Variants in ABTB2 observed in about 807,000 individuals in gnomAD.
ABTB2 encodes ankyrin repeat and BTB domain containing 2, also known as ankyrin repeat and BTB/POZ domain-containing protein 2.
In ABTB2, 56 loss-of-function variants were observed where a neutral mutation model predicts 104.1. The ratio of observed to expected loss-of-function variants is 0.54; its 90% CI spans 0.43 to 0.67. ABTB2 has a LOEUF of 0.67. ABTB2 is among the 30% of genes least tolerant of loss of function. The pLI, the probability that ABTB2 is intolerant of heterozygous loss-of-function variation, is 0.00. For synonymous variants in ABTB2, 606 were observed against 608.2 expected, an observed-to-expected ratio of 1.00 and a Z score of 0.05; for missense variants, 1,279 against 1,407.7, an observed-to-expected ratio of 0.91 and a Z score of 1.46.
intron 1 of ABTB2, among the ~76,000 whole-genome samples, chr11:34,306,360 C>A (rs188494246): frequency 1.4e-5 from 2 of 147,138 alleles, no homozygotes; most frequent in Non-Finnish European, 3.0e-5. Context: ...GATTCTCCTG[C>A]CTCAGCCTCC....
intron 1 of ABTB2, among the ~76,000 whole-genome samples, chr11:34,206,907 C>G (rs958092074): frequency 6.6e-6 from 1 of 152,220 alleles, no homozygotes; most frequent in Non-Finnish European, 1.5e-5. Flanking sequence ...CCCCTCTCAT[C>G]ACATCCAGTG....
At chr11:34,188,660 A>G (rs1590211323) in intron 3 of ABTB2, among the ~76,000 whole-genome samples, 1 of 152,218 alleles carries the variant, frequency 6.6e-6, no homozygotes, top group Non-Finnish European at 1.5e-5. Context: ...AGAGCTTAAC[A>G]TTGCAAATCT....
rs149930288 is a variant in ABTB2 at position 34,347,207 on chromosome 11, G to A, written c.883+9494C>T. ...TCCCAGCACTTTGGGAGGCCACGGC[G>A]GGCAGATCGCTTGAGGTCAGGAGTT... On this transcript the variant is annotated intron_variant, in intron 1 of 16. Transcript: ENST00000435224. Among the ~76,000 whole-genome samples the A allele has an allele frequency of 5.1e-3, 769 of 152,270 alleles. 5 individuals carry two copies. Among genetic ancestry groups the A allele is most frequent in the African/African-American group, 0.017 (723 of 41,558 alleles).
At chr11:34,277,898 G>A (rs1483309261) in intron 1 of ABTB2, among the ~76,000 whole-genome samples, 2 of 143,452 alleles carry the variant, frequency 1.4e-5, no homozygotes, top group South Asian at 2.3e-4. Context: ...TCCACTTCCC[G>A]GGTTCAAGCG....
chr11:34,160,965 A>T lies in ABTB2; in HGVS notation c.2335T>A (p.Tyr779Asn). ...RDFSSIREEE[Y>N]NEELVTEGLQ... Reference sequence around the variant, plus strand: ...CCCTCGGTCACCAGCTCCTCGTTGTACTCCTCCTCTCTGATGGAGCTGAAG... The same window carrying T: ...CCCTCGGTCACCAGCTCCTCGTTGTTCTCCTCCTCTCTGATGGAGCTGAAG... Residue 779 changes from tyrosine (Y) to asparagine (N), a missense_variant, in exon 11 of 17, where the codon TAC (tyrosine) becomes AAC (asparagine). Tyr to Asn is a moderately radical substitution (Grantham distance 143). Transcript: ENST00000435224. The T allele has an allele frequency of 6.2e-7, 1 of 1,612,476 alleles. No individual in the cohort carries two copies. Among genetic ancestry groups the T allele is most frequent in the Non-Finnish European group, 8.5e-7 (1 of 1,179,418 alleles).
At chr11:34,321,773 A>G (rs553451693) in intron 1 of ABTB2, among the ~76,000 whole-genome samples, 1 of 152,338 alleles carries the variant, frequency 6.6e-6, no homozygotes, top group African/African-American at 2.4e-5. Context: ...TTCAAGTCTC[A>G]AGACCCCAAA....
intron 1 of ABTB2, among the ~76,000 whole-genome samples, chr11:34,334,196 T>C (rs555136398): frequency 1.3e-5 from 2 of 152,250 alleles, no homozygotes; most frequent in South Asian, 4.1e-4. Context: ...AATGAAAGCC[T>C]TTACATCTGG....
At chr11:34,174,374 A>C (rs905797690) in intron 3 of ABTB2, among the ~76,000 whole-genome samples, 2 of 151,344 alleles carry the variant, frequency 1.3e-5, no homozygotes, top group Admixed American at 6.6e-5. Flanking sequence ...TAGCGGCTTC[A>C]AGTCCCACAG....
chr11:34,180,732 A>T (rs968618834), intron 3 of ABTB2, among the ~76,000 whole-genome samples: 48 of 152,226 alleles, frequency 3.2e-4, no homozygotes, highest in African/African-American at 1.1e-3. Context: ...TGCAATAGGG[A>T]TGCTAGACCC....
intron 4 of ABTB2, among the ~76,000 whole-genome samples, chr11:34,172,609 C>T (rs1260889585): frequency 6.6e-6 from 1 of 151,880 alleles, no homozygotes; most frequent in Non-Finnish European, 1.5e-5. Context: ...GCCGTATGGA[C>T]CTGGGTTCAA....
intron 1 of ABTB2, among the ~76,000 whole-genome samples, chr11:34,348,316 C>G (rs993238414): frequency 6.6e-6 from 1 of 152,174 alleles, no homozygotes; most frequent in African/African-American, 2.4e-5. Flanking sequence ...TTTTGGAAAA[C>G]TCTCATCCTG....
At chr11:34,242,254 C>T (rs922578644) in intron 1 of ABTB2, among the ~76,000 whole-genome samples, 8 of 152,180 alleles carry the variant, frequency 5.3e-5, no homozygotes, top group African/African-American at 1.7e-4. Context: ...GCCACACCCT[C>T]CTGATCTAAG....
At chr11:34,322,304 GTTGTA>G (rs1788128486) in intron 1 of ABTB2, among the ~76,000 whole-genome samples, 1 of 152,180 alleles carries the variant, frequency 6.6e-6, no homozygotes, top group Admixed American at 6.5e-5. Flanking sequence ...TAAGTACTAG[GTTGTA>G]TTAAGAGATT....
intron 14 of ABTB2, among the ~76,000 whole-genome samples, chr11:34,158,783 T>G (rs1042904177): frequency 6.6e-6 from 1 of 152,262 alleles, no homozygotes; most frequent in African/African-American, 2.4e-5. Flanking sequence ...AGTCAGGATG[T>G]GTGCCTCACG....
At chr11:34,300,338 T>TTTAGAATTCAA (rs1386126688) in intron 1 of ABTB2, among the ~76,000 whole-genome samples, 1 of 152,164 alleles carries the variant, frequency 6.6e-6, no homozygotes, top group Non-Finnish European at 1.5e-5. Flanking sequence ...CGTTTCACAT[T>TTTAGAATTCAA]TTAGAATTCA....
chr11:34,158,237 T>A lies in ABTB2; in HGVS notation c.2697+1059A>T, dbSNP rs2473925. On this transcript the variant is annotated intron_variant, in intron 14 of 16. Transcript: ENST00000435224. ...AGACCATCCTGGCTAACATGGTAAA[T>A]CCCATCTCTATTAAAAATACAAAAA... Among the ~76,000 whole-genome samples the A allele has an allele frequency of 2.9e-3, 439 of 152,076 alleles. 2 individuals carry two copies. The highest frequency in any genetic ancestry group is 0.01 in the African/African-American group (425 of 41,490).
chr11:34,340,608 C>A (rs1175384125), intron 1 of ABTB2, among the ~76,000 whole-genome samples: 1 of 152,194 alleles, frequency 6.6e-6, no homozygotes, highest in African/African-American at 2.4e-5. Context: ...AGAGATACTC[C>A]TCCCAAAGCC....
intron 3 of ABTB2, among the ~76,000 whole-genome samples, chr11:34,176,892 C>T (rs771978124): frequency 4.6e-5 from 7 of 152,166 alleles, no homozygotes; most frequent in African/African-American, 7.2e-5. Flanking sequence ...CATGAATTAT[C>T]CCTCTGTTTA....
Position 34,269,623 on chromosome 11 carries a change from A to G in ABTB2, c.884-64933T>C, listed in dbSNP as rs573118056. ...AACCAAATGGTAAGGCTGTGTCCCA[A>G]CGAGCCTTCATGTGTGGACAGAGAA... On this transcript the variant is annotated intron_variant, in intron 1 of 16. Coordinates refer to ENST00000435224, the MANE Select transcript of ABTB2 (RefSeq NM_145804.3). Among the ~76,000 whole-genome samples the G allele has an allele frequency of 7.2e-5, 11 of 152,380 alleles. No individual in the cohort carries two copies. In the South Asian group the frequency reaches 2.3e-3, roughly 32 times the overall value.
Sources: gnomAD v4.1 joint callset for allele counts (sites outside exome capture counted in the v4.1 genomes callset) on GRCh38, gnomAD v4.1.1 for gene constraint, MANE v1.5 for transcripts, NCBI Gene and HGNC (gene_info 2026-07-23, HGNC 2026-07-21) for gene names.